Variants in NUDCD1 observed in about 807,000 individuals in gnomAD.
NUDCD1 encodes NudC domain containing 1.
Under a neutral mutation model 67.8 loss-of-function variants are expected in NUDCD1, and 60 were observed. The ratio of observed to expected loss-of-function variants is 0.88; its 90% CI spans 0.72 to 1.10. The LOEUF (loss-of-function observed/expected upper bound fraction) is 1.10, where lower values mean the gene tolerates loss of function less well. NUDCD1 is among the 50% of genes least tolerant of loss of function. The pLI, the probability that NUDCD1 is intolerant of heterozygous loss-of-function variation, is 0.00. For synonymous variants in NUDCD1, 244 were observed against 230.8 expected (o/e 1.06, Z -0.52); for missense variants, 643 against 695.0 (o/e 0.93, Z 0.84).
chr8:109,284,019 C>G (rs1173279373), intron 5 of NUDCD1, among the ~76,000 whole-genome samples: 1 of 136,686 alleles, frequency 7.3e-6, no homozygotes, highest in East Asian at 2.1e-4. Flanking sequence ...AAAACAAAAA[C>G]AAGGCCCATC....
At chr8:109,276,336 A>G (rs113004859) in intron 6 of NUDCD1, among the ~76,000 whole-genome samples, 55 of 152,326 alleles carry the variant, frequency 3.6e-4, no homozygotes, top group African/African-American at 1.2e-3. Context: ...ACCCACTGCT[A>G]TAACAGAAAA....
In NUDCD1 at chr8:109,291,121, A is replaced by C. The variant is rs140623107; in HGVS notation, c.641-1188T>G. ...CTCAAAAACCGGATTCCGTGGTTAA[A>C]TATGTGGAGAAATGCTAGGTTAAAA... On this transcript the variant is annotated intron_variant, in intron 4 of 9. Transcript: ENST00000239690. Among the ~76,000 whole-genome samples the C allele has an allele frequency of 5.9e-5, 9 of 152,308 alleles. No homozygotes were observed. The South Asian group carries it at 8.3e-4, about 14-fold the overall frequency.
At position 109,328,150 on chromosome 8, in the gene NUDCD1, T is replaced by C. The variant is rs181355154; in HGVS notation, c.119-5687A>G. 1.3e-3 allele frequency among the ~76,000 whole-genome samples: 205 copies of C among 152,246 alleles called. 2 individuals are homozygous for C. The highest frequency in any genetic ancestry group is 2.5e-3 in the Admixed American group (38 of 15,282). On this transcript the variant is annotated intron_variant, in intron 1 of 9. Coordinates refer to ENST00000239690, the MANE Select transcript of NUDCD1 (RefSeq NM_032869.4). Reference sequence around the variant, plus strand: ...GACATAAAACAACAAAGGACACTTATGAGATTAGCCCCACCACCAATCTAG... The same window carrying C: ...GACATAAAACAACAAAGGACACTTACGAGATTAGCCCCACCACCAATCTAG...
chr8:109,252,961 A>C (rs1467298818), intron 8 of NUDCD1, among the ~76,000 whole-genome samples: 1 of 152,218 alleles, frequency 6.6e-6, no homozygotes, highest in Non-Finnish European at 1.5e-5. Flanking sequence ...TTCAACTTAT[A>C]ATCAACAGAC....
chr8:109,278,525 AC>A (rs1292822054), intron 6 of NUDCD1, among the ~76,000 whole-genome samples: 1 of 152,222 alleles, frequency 6.6e-6, no homozygotes, highest in Non-Finnish European at 1.5e-5. Context: ...AATTATTTCC[AC>A]CATACAGGCA....
chr8:109,290,479 G>A (rs1402798589), intron 4 of NUDCD1, among the ~76,000 whole-genome samples: 1 of 152,074 alleles, frequency 6.6e-6, no homozygotes, highest in South Asian at 2.1e-4. Flanking sequence ...TGAGGACAAG[G>A]GGAAACATGC....
At chr8:109,290,786 T>G (rs1388634449) in intron 4 of NUDCD1, among the ~76,000 whole-genome samples, 1 of 152,180 alleles carries the variant, frequency 6.6e-6, no homozygotes, top group Non-Finnish European at 1.5e-5. Context: ...GTTATACTTG[T>G]AGGCTTCATA....
At chr8:109,247,941 T>C (rs1299585974) in intron 8 of NUDCD1, among the ~76,000 whole-genome samples, 1 of 152,136 alleles carries the variant, frequency 6.6e-6, no homozygotes, top group African/African-American at 2.4e-5. Flanking sequence ...ATAAGTTACC[T>C]TATATAGCAA....
At chr8:109,260,638 C>A (rs755352057) in intron 8 of NUDCD1, among the ~76,000 whole-genome samples, 5 of 152,224 alleles carry the variant, frequency 3.3e-5, no homozygotes, top group Admixed American at 2.6e-4. Flanking sequence ...GATATCAATT[C>A]ATAACCATTA....
intron 8 of NUDCD1, among the ~76,000 whole-genome samples, chr8:109,261,447 T>C (rs1218422174): frequency 2.0e-5 from 3 of 152,054 alleles, no homozygotes; most frequent in Non-Finnish European, 4.4e-5. Flanking sequence ...TCTCACAAAC[T>C]TAAAGAAAAA....
chr8:109,333,805 CAGAA>C (rs1258691623), intron 1 of NUDCD1, 84 bp downstream of exon 1: 32 of 1,415,066 alleles, frequency 2.3e-5, no homozygotes, highest in Non-Finnish European at 3.0e-5. Context: ...GCTTGCCAGT[CAGAA>C]AGAAAGAAAT....
intron 8 of NUDCD1, 54 bp from the exon 9 acceptor site, chr8:109,245,535 A>G: frequency 7.1e-7 from 1 of 1,398,728 alleles, no homozygotes; most frequent in Non-Finnish European, 1.0e-6. Flanking sequence ...TAATAGCAAC[A>G]ATAACAATGG....
At chr8:109,272,023 C>T (rs976660548) in intron 7 of NUDCD1, among the ~76,000 whole-genome samples, 1 of 151,870 alleles carries the variant, frequency 6.6e-6, no homozygotes, top group Non-Finnish European at 1.5e-5. Context: ...ACCAGCAAAT[C>T]TACACTAGAA....
intron 8 of NUDCD1, among the ~76,000 whole-genome samples, chr8:109,270,349 A>G (rs1018174221): frequency 2.0e-5 from 3 of 152,098 alleles, no homozygotes; most frequent in African/African-American, 7.2e-5. Flanking sequence ...AAAGATTGGC[A>G]CAAGTTTATT....
At chr8:109,285,461 C>A (rs958378253) in intron 5 of NUDCD1, among the ~76,000 whole-genome samples, 4 of 152,112 alleles carry the variant, frequency 2.6e-5, no homozygotes, top group African/African-American at 9.7e-5. Flanking sequence ...ATTTAATTGA[C>A]CATGATCAAG....
intron 5 of NUDCD1, among the ~76,000 whole-genome samples, chr8:109,284,027 A>G (rs1814518914): frequency 6.6e-6 from 1 of 151,542 alleles, no homozygotes; most frequent in Non-Finnish European, 1.5e-5. Flanking sequence ...AACAAGGCCC[A>G]TCGGCATTCT....
intron 6 of NUDCD1, among the ~76,000 whole-genome samples, chr8:109,279,780 C>T (rs1226657975): frequency 2.6e-5 from 4 of 151,850 alleles, no homozygotes; most frequent in African/African-American, 9.7e-5. Context: ...TACAGGCACC[C>T]GCCACCACGC....
At chr8:109,324,991 G>A (rs1285551126) in intron 1 of NUDCD1, among the ~76,000 whole-genome samples, 1 of 152,100 alleles carries the variant, frequency 6.6e-6, no homozygotes. Context: ...TGGGGAGGCT[G>A]AGGCACGAGA....
intron 8 of NUDCD1, among the ~76,000 whole-genome samples, chr8:109,256,677 T>C (rs1249977562): frequency 1.3e-5 from 2 of 152,084 alleles, no homozygotes; most frequent in Non-Finnish European, 2.9e-5. Flanking sequence ...AACTTTAGAT[T>C]ACAGAAACCT....
Sources: allele counts gnomAD v4.1 joint callset (sites outside exome capture counted in the v4.1 genomes callset), GRCh38; gene constraint gnomAD v4.1.1; transcripts MANE v1.5; gene names NCBI Gene and HGNC (gene_info 2026-07-23, HGNC 2026-07-21).